The following HNF1A variants were observed in gnomAD, a reference collection of about 807,000 sequenced individuals.
The protein encoded by HNF1A is hepatocyte nuclear factor 1-alpha.
HNF1A carries 21 observed loss-of-function variants against 62.2 expected under a neutral mutation model. The ratio of observed to expected loss-of-function variants is 0.34; its 90% confidence interval spans 0.24 to 0.49. HNF1A has a LOEUF of 0.49. Ranked by LOEUF, HNF1A falls within the 20% of genes least tolerant of loss-of-function variation. The probability of loss-of-function intolerance (pLI) is 0.99; values close to 1 mark genes in which losing one functional copy is unlikely to be tolerated. For synonymous variants in HNF1A, 374 were observed against 366.8 expected, an observed-to-expected ratio of 1.02 and a Z score of -0.22; for missense variants, 687 against 832.3, an observed-to-expected ratio of 0.83 and a Z score of 2.15.
rs531593660 is a variant in HNF1A, at chr12:120,996,365, C to A, written c.1059C>A (p.Pro353=). The change falls in exon 5 of 10, where the codon CCC becomes CCA. Residue 353 remains proline, a synonymous_variant. Coordinates refer to ENST00000257555, the MANE Select transcript of HNF1A (RefSeq NM_000545.8). This position sits in a 1 kb window ranked among gnomAD's most constrained non-coding sequence, Gnocchi z 4.5. ...CTACACCCCTCCACCAAGTGTCCCC[C>A]ACGGGCCTGGAGCCCAGCCACAGCC... ...TVSTPLHQVS[P]TGLEPSHSLL... is the part of the protein sequence containing the mutation. The A allele has an allele frequency of 1.9e-6, 3 of 1,614,194 alleles. No individual in the cohort carries two copies. In the South Asian group the frequency reaches 3.3e-5, roughly 18 times the overall value.
At chr12:121,000,153 G>A (rs1371032326) in intron 9 of HNF1A, among the ~76,000 whole-genome samples, 5 of 152,198 alleles carry the variant, frequency 3.3e-5, no homozygotes, top group Admixed American at 3.3e-4. Flanking sequence ...GGTCACCTGA[G>A]TTTGTAATCT....
In HNF1A at chr12:120,994,351, G is replaced by C. The variant is rs555681479; in HGVS notation, c.901G>C (p.Ala301Pro). 1 of 1,600,182 alleles carries C rather than the reference G, an allele frequency of 6.2e-7. No individual in the cohort carries two copies. The highest frequency in any genetic ancestry group is 1.3e-5 in the African/African-American group (1 of 74,932). ...GCCAGGCCCGGGACCTGCGCTGCCC[G>C]CTCACAGCTCCCCTGGCCTGCCTCC... The part of the protein sequence containing the change: ...PGPGPGPALP[A>P]HSSPGLPPPA... The change falls in exon 4 of 10, where the codon GCT (alanine) becomes CCT (proline). Residue 301 changes from alanine (A) to proline (P), a missense_variant. By Grantham distance (27) the Ala-to-Pro change is conservative. Around this residue, in one of 5 missense-constraint regions of HNF1A, gnomAD observed 408 missense variants for 455.3 expected, o/e 0.90. Transcript: ENST00000257555.
rs889228148 is a variant in HNF1A, at chr12:120,994,056, GC to G, written c.714-106del. On this transcript the variant is annotated intron_variant, in intron 3 of 9. Transcript: ENST00000257555. Reference sequence around the variant, plus strand: ...CTGGCATTGGAACCCAGATCTGCCAGCCTCAAACCCTCCGGCAGAGCTCAGC... The same window carrying G: ...CTGGCATTGGAACCCAGATCTGCCAGCTCAAACCCTCCGGCAGAGCTCAGC... 30 of 1,482,744 alleles carry G rather than the reference GC, an allele frequency of 2.0e-5. No homozygotes were observed. The Admixed American group carries it at 4.9e-4, about 24-fold the overall frequency. The allele number at this position is 1,482,744 out of a possible 1,614,324, so 91.8% of individuals were successfully genotyped here. A position where few individuals can be genotyped will look rare whatever the true frequency, so the allele number is the denominator to read the frequency against.
chr12:121,000,201 G>A (rs1011241226), intron 9 of HNF1A, among the ~76,000 whole-genome samples: 7 of 152,174 alleles, frequency 4.6e-5, no homozygotes, highest in African/African-American at 1.4e-4. Flanking sequence ...TTGGAGTCAG[G>A]TGGGTGGGCT....
chr12:120,991,083 G>A (rs1033935165), intron 2 of HNF1A, among the ~76,000 whole-genome samples: 2 of 152,176 alleles, frequency 1.3e-5, no homozygotes, highest in African/African-American at 4.8e-5. Context: ...TAGGGATTTT[G>A]CAATCTGCGA....
At position 121,001,238 on chromosome 12, in the gene HNF1A, G is replaced by A. The variant is rs769404658; in HGVS notation, c.*46G>A. ...GGCCTGTACTGCCTGCTTGGGGGGT[G>A]ATGAGGGCAGCAGCCAGCCCTGCCT... On this transcript the variant is annotated 3_prime_UTR_variant, in exon 10 of 10. Transcript: ENST00000257555. The A allele has an allele frequency of 1.2e-6, 2 of 1,608,994 alleles. No homozygotes were observed. Among genetic ancestry groups the A allele is most frequent in the African/African-American group, 2.7e-5 (2 of 74,830 alleles).
chr12:120,999,130 A>G, intron 7 of HNF1A, 138 bp from the exon 8 acceptor site: 1 of 1,050,742 alleles, frequency 9.5e-7, no homozygotes, highest in Non-Finnish European at 1.5e-6. Context: ...CAGTTTTGAA[A>G]ATCAGCCCTG....
chr12:120,990,138 T>A (rs563487021), intron 2 of HNF1A, among the ~76,000 whole-genome samples: 34 of 152,120 alleles, frequency 2.2e-4, no homozygotes, highest in Admixed American at 1.1e-3. Flanking sequence ...TTAATTTTTT[T>A]TTATTATTTT....
intron 1 of HNF1A, among the ~76,000 whole-genome samples, chr12:120,979,956 G>GGGGATGGGGGTGT (rs1216106729): frequency 1.4e-3 from 212 of 152,290 alleles, no homozygotes; most frequent in African/African-American, 4.8e-3. Context: ...AGTGGGGGTG[G>GGGGATGGGGGTGT]GGGATGGGGG....
At chr12:120,986,365 A>G (rs983186321) in intron 1 of HNF1A, among the ~76,000 whole-genome samples, 2 of 152,208 alleles carry the variant, frequency 1.3e-5, no homozygotes, top group Non-Finnish European at 1.5e-5. Context: ...GGTGGCTTCC[A>G]ATCTTTTGCT....
chr12:120,986,538 T>G lies in HNF1A; in HGVS notation c.327-2295T>G, dbSNP rs55858489. On this transcript the variant is annotated intron_variant, in intron 1 of 9. Transcript: ENST00000257555. ...AAGTTCAAATCCCAGTCTGCCTGTT[T>G]CAGTGCTGCTGTATTGAGCTGTATT... Among the ~76,000 whole-genome samples the G allele has an allele frequency of 9.1e-3, 1,387 of 152,336 alleles. 23 individuals are homozygous for G. Among genetic ancestry groups the G allele is most frequent in the African/African-American group, 0.032 (1,324 of 41,578 alleles).
At chr12:120,985,364 G>A (rs74362985) in intron 1 of HNF1A, among the ~76,000 whole-genome samples, 9,125 of 150,330 alleles carry the variant, frequency 0.061, 643 homozygotes, top group African/African-American at 0.17. Context: ...TTACCACCAT[G>A]AGCCACCATA....
At chr12:120,989,950 T>G (rs1388873620) in intron 2 of HNF1A, among the ~76,000 whole-genome samples, 1 of 151,906 alleles carries the variant, frequency 6.6e-6, no homozygotes, top group African/African-American at 2.4e-5. Context: ...AGAGGCAAGG[T>G]CTACGGTCAG....
rs572046840 is a variant in HNF1A, at chr12:120,997,407, G to A, written c.1310-67G>A. 7 of 1,496,916 alleles carry A rather than the reference G, an allele frequency of 4.7e-6. No individual in the cohort carries two copies. In the South Asian group the frequency reaches 9.0e-5, roughly 19 times the overall value. The allele number at this position is 1,496,916 out of a possible 1,614,324, so 92.7% of individuals were successfully genotyped here. A position where few individuals can be genotyped will look rare whatever the true frequency, so the allele number is the denominator to read the frequency against. ...TCTGGGAAGGAGAGGTGGTGCCCTT[G>A]GGAGGTCTTGGGCAGGGGTGGGATA... is the stretch of plus-strand genomic sequence containing the variant. On this transcript the variant is annotated intron_variant, in intron 6 of 9. Coordinates refer to ENST00000257555, the MANE Select transcript of HNF1A (RefSeq NM_000545.8).
intron 1 of HNF1A, among the ~76,000 whole-genome samples, chr12:120,984,356 G>GAGAC (rs1876405870): frequency 3.3e-5 from 5 of 152,246 alleles, no homozygotes; most frequent in South Asian, 4.1e-4. Flanking sequence ...GAGAGAGAGA[G>GAGAC]AGAGAAAGAA....
chr12:120,988,916 C>T lies in HNF1A; in HGVS notation c.410C>T (p.Thr137Ile). The T allele has an allele frequency of 6.2e-7, 1 of 1,614,256 alleles. No individual in the cohort carries two copies. The highest frequency in any genetic ancestry group is 8.5e-7 in the Non-Finnish European group (1 of 1,180,048). ...CCACAGCGGGAGGTGGTCGATACCA[C>T]TGGCCTCAACCAGTCCCACCTGTCC... ...NIPQREVVDT[T>I]GLNQSHLSQH... Residue 137 changes from threonine to isoleucine, a missense_variant, in exon 2 of 10, where the codon ACT becomes ATT. Physicochemically the swap from Thr to Ile is moderately conservative, Grantham distance 89. Coordinates refer to ENST00000257555, the MANE Select transcript of HNF1A (RefSeq NM_000545.8).
chr12:120,994,077 C>T (rs1288427814), intron 3 of HNF1A, 87 bp from the exon 4 acceptor site: 2 of 1,546,722 alleles, frequency 1.3e-6, no homozygotes, highest in African/African-American at 2.7e-5. Context: ...TCCGGCAGAG[C>T]TCAGCTTCTC....
chr12:121,002,440 AG>A lies in HNF1A; in HGVS notation c.*1249del. 1 of 531,502 alleles carries A rather than the reference AG, an allele frequency of 1.9e-6. No homozygotes were observed. Among genetic ancestry groups the A allele is most frequent in the South Asian group, 1.5e-5 (1 of 65,176 alleles). 32.9% of individuals were successfully genotyped at this position (531,502 alleles called of 1,614,324 possible). A position where few individuals can be genotyped will look rare whatever the true frequency, so the allele number is the denominator to read the frequency against. On this transcript the variant is annotated 3_prime_UTR_variant, in exon 10 of 10. Coordinates refer to ENST00000257555, the MANE Select transcript of HNF1A (RefSeq NM_000545.8). ...CCTGGGGTGACCCGGCACCCCCTGC[AG>A]CTTGTAGCCAGCCGGGGCGAGTGGC...
intron 2 of HNF1A, among the ~76,000 whole-genome samples, chr12:120,990,518 G>C (rs547375201): frequency 6.6e-6 from 1 of 152,228 alleles, no homozygotes; most frequent in Admixed American, 6.5e-5. Flanking sequence ...TGGGAGGACT[G>C]TTTGAGCCCC....
Sources: allele counts gnomAD v4.1 joint callset (sites outside exome capture counted in the v4.1 genomes callset), GRCh38; gene constraint gnomAD v4.1.1; regional missense constraint gnomAD v4.1.1; non-coding constraint Gnocchi (gnomAD v3.1); transcripts MANE v1.5; gene names NCBI Gene and HGNC (gene_info 2026-07-23, HGNC 2026-07-21).